Variants in CSMD3 observed in about 807,000 individuals in gnomAD.
The protein encoded by CSMD3 is CUB and sushi domain-containing protein 3.
CSMD3 carries 177 observed loss-of-function variants against 435.2 expected under a neutral mutation model. That is an observed-to-expected ratio of 0.41 (90% CI 0.36 to 0.46). The LOEUF is 0.46. Among genes scored for constraint, CSMD3 ranks in the 20% least tolerant of loss-of-function variants. CSMD3 has a pLI of 0.34. For synonymous variants in CSMD3, 1,656 were observed against 1,520.5 expected, an observed-to-expected ratio of 1.09 and a Z score of -2.07; for missense variants, 4,265 against 4,504.6, an observed-to-expected ratio of 0.95 and a Z score of 1.52.
rs1178840100 is a variant in CSMD3, at chr8:112,310,986, G to A, written c.7877C>T (p.Ala2626Val). The A allele has an allele frequency of 6.2e-7, 1 of 1,613,466 alleles. No individual in the cohort carries two copies. Among genetic ancestry groups the A allele is most frequent in the East Asian group, 2.2e-5 (1 of 44,862 alleles). The change falls in exon 50 of 71, where the codon GCC (alanine) becomes GTC (valine). Residue 2626 changes from alanine to valine, a missense_variant. Ala to Val is a moderately conservative substitution (Grantham distance 64). Transcript: ENST00000297405. ...GYHAWDAPVP[A>V]CQAISCGIPK... is the part of the protein sequence containing the mutation. Reference sequence around the variant, plus strand: ...GGCATAATATACTTCACCTTGACAGGCAGGGACTGGCGCATCCCATGCATG... The same window carrying A: ...GGCATAATATACTTCACCTTGACAGACAGGGACTGGCGCATCCCATGCATG...
At chr8:112,587,868 G>A (rs1430298490) in intron 22 of CSMD3, among the ~76,000 whole-genome samples, 1 of 151,720 alleles carries the variant, frequency 6.6e-6, no homozygotes, top group East Asian at 1.9e-4. Flanking sequence ...ACTAGATTAA[G>A]GCATTCTTAT....
chr8:112,969,876 TA>T (rs931267624), intron 7 of CSMD3, among the ~76,000 whole-genome samples: 1 of 152,020 alleles, frequency 6.6e-6, no homozygotes, highest in African/African-American at 2.4e-5. Context: ...AATTATTATT[TA>T]ACATAATAAA....
At chr8:113,418,485 AGAAAGAT>A (rs1476181862) in intron 1 of CSMD3, among the ~76,000 whole-genome samples, 4 of 152,172 alleles carry the variant, frequency 2.6e-5, no homozygotes, top group Non-Finnish European at 5.9e-5. Context: ...ATTGAATACC[AGAAAGAT>A]GTGGTTAAGT....
chr8:113,086,327 A>G (rs1588044444), intron 5 of CSMD3, among the ~76,000 whole-genome samples: 1 of 152,094 alleles, frequency 6.6e-6, no homozygotes. Flanking sequence ...CCATCAATCA[A>G]TCTATAGAAA....
chr8:112,308,048 T>A (rs1488332567), intron 50 of CSMD3, among the ~76,000 whole-genome samples: 1 of 152,162 alleles, frequency 6.6e-6, no homozygotes, highest in African/African-American at 2.4e-5. Flanking sequence ...GAATAATTGA[T>A]CTTCTGTAAT....
chr8:112,468,284 C>T (rs1818170878), intron 32 of CSMD3, among the ~76,000 whole-genome samples: 1 of 129,780 alleles, frequency 7.7e-6, no homozygotes, highest in Non-Finnish European at 1.6e-5. Flanking sequence ...ATATCTTCAG[C>T]TTTGTCTTCT....
chr8:112,656,064 T>A (rs2131659697), intron 18 of CSMD3, 90 bp downstream of exon 18: 1 of 711,044 alleles, frequency 1.4e-6, no homozygotes, highest in South Asian at 1.7e-5. Context: ...TTAAAATAAA[T>A]AGAGCTAATA....
At chr8:113,189,699 T>A (rs1186553876) in intron 3 of CSMD3, among the ~76,000 whole-genome samples, 1 of 151,812 alleles carries the variant, frequency 6.6e-6, no homozygotes, top group Non-Finnish European at 1.5e-5. Context: ...ATAATAAAAC[T>A]ATTAATGAAA....
At chr8:112,711,727 A>G (rs2076613765) in intron 13 of CSMD3, among the ~76,000 whole-genome samples, 1 of 152,114 alleles carries the variant, frequency 6.6e-6, no homozygotes, top group Non-Finnish European at 1.5e-5. Flanking sequence ...GTATATCAAT[A>G]TCATTGTTAT....
At chr8:112,499,394 A>C (rs187018519) in intron 30 of CSMD3, among the ~76,000 whole-genome samples, 2 of 152,124 alleles carry the variant, frequency 1.3e-5, no homozygotes, top group African/African-American at 4.8e-5. Flanking sequence ...TAATTGCTAG[A>C]CCGAGCAGGT....
intron 57 of CSMD3, among the ~76,000 whole-genome samples, chr8:112,288,406 TA>T (rs1819430661): frequency 6.6e-6 from 1 of 152,068 alleles, no homozygotes; most frequent in South Asian, 2.1e-4. Flanking sequence ...ATAGTTTTTC[TA>T]AATCTGTAGA....
chr8:113,038,323 T>C (rs1442778443), intron 5 of CSMD3, among the ~76,000 whole-genome samples: 1 of 152,140 alleles, frequency 6.6e-6, no homozygotes, highest in South Asian at 2.1e-4. Flanking sequence ...CGTGCTTATA[T>C]TGAGGTATTT....
chr8:112,953,515 C>T (rs2083901600), intron 8 of CSMD3, among the ~76,000 whole-genome samples: 2 of 151,516 alleles, frequency 1.3e-5, no homozygotes, highest in South Asian at 4.1e-4. Context: ...GCTTTTGAAA[C>T]AGGTAACCCT....
Position 113,096,726 on chromosome 8 carries a change from A to G in CSMD3, c.917+2030T>C, listed in dbSNP as rs955175254. ...CCATGGTCATTCTTTTCTAGCCACA[A>G]TGGCTTCTTAGGTGTTTCTACAACA... is the stretch of plus-strand genomic sequence containing the variant. On this transcript the variant is annotated intron_variant, in intron 5 of 70. Transcript: ENST00000297405. Among the ~76,000 whole-genome samples, 10 of 151,980 alleles carry G rather than the reference A, an allele frequency of 6.6e-5. No individual in the cohort carries two copies. In the East Asian group the frequency reaches 1.4e-3, roughly 21 times the overall value.
intron 13 of CSMD3, among the ~76,000 whole-genome samples, chr8:112,782,600 A>G (rs2078419380): frequency 1.3e-5 from 2 of 152,114 alleles, no homozygotes; most frequent in South Asian, 4.1e-4. Flanking sequence ...AAGGTTATAA[A>G]ACATCAAGCA....
chr8:112,574,724 A>T (rs1380272789), intron 23 of CSMD3, among the ~76,000 whole-genome samples: 1 of 151,972 alleles, frequency 6.6e-6, no homozygotes, highest in East Asian at 1.9e-4. Context: ...TTTCCCAAAG[A>T]TCAACTCTCC....
intron 4 of CSMD3, among the ~76,000 whole-genome samples, chr8:113,148,283 A>C (rs1199568598): frequency 1.3e-5 from 2 of 150,934 alleles, no homozygotes; most frequent in African/African-American, 4.9e-5. Flanking sequence ...TTATGACCCT[A>C]CCTCCCTCCT....
chr8:112,320,041 C>A (rs963031642), intron 45 of CSMD3, 60 bp from the exon 46 acceptor site: 9 of 1,044,858 alleles, frequency 8.6e-6, no homozygotes, highest in South Asian at 6.8e-5. Flanking sequence ...TTCACATATG[C>A]AAAAAAACAA....
At position 113,387,684 on chromosome 8, in the gene CSMD3, A is replaced by G. The variant is rs187094339; in HGVS notation, c.178+48993T>C. On this transcript the variant is annotated intron_variant, in intron 1 of 70. Transcript: ENST00000297405. Reference sequence around the variant, plus strand: ...AGGATCCAGAAAGAAAAAGAACATGACAATGATTGGCAGAAAAGGGGGATG... The same window carrying G: ...AGGATCCAGAAAGAAAAAGAACATGGCAATGATTGGCAGAAAAGGGGGATG... 2.7e-3 allele frequency among the ~76,000 whole-genome samples: 409 copies of G among 151,602 alleles called. 1 individual carries two copies. The highest frequency in any genetic ancestry group is 9.4e-3 in the African/African-American group (392 of 41,482).
Sources: allele counts gnomAD v4.1 joint callset (sites outside exome capture counted in the v4.1 genomes callset), GRCh38; gene constraint gnomAD v4.1.1; transcripts MANE v1.5; gene names NCBI Gene and HGNC (gene_info 2026-07-23, HGNC 2026-07-21).